KCNK9: variants seen among roughly 807,000 people sequenced by gnomAD.
KCNK9 encodes the protein potassium channel subfamily K member 9.
In KCNK9, 1 loss-of-function variant was observed where a neutral mutation model predicts 10.8. The ratio of observed to expected loss-of-function variants is 0.09; its 90% CI spans 0.03 to 0.44. The LOEUF is 0.44. Ranked by LOEUF, KCNK9 falls within the 20% of genes least tolerant of loss-of-function variation. The probability of loss-of-function intolerance (pLI) is 0.97; values close to 1 mark genes in which losing one functional copy is unlikely to be tolerated. For synonymous variants in KCNK9, 231 were observed against 222.7 expected, an observed-to-expected ratio of 1.04 and a Z score of -0.33; for missense variants, 303 against 515.0, an observed-to-expected ratio of 0.59 and a Z score of 3.98.
chr8:139,641,065 G>A (rs874746), intron 1 of KCNK9, among the ~76,000 whole-genome samples: 10 of 152,082 alleles, frequency 6.6e-5, no homozygotes, highest in African/African-American at 2.4e-4. Context: ...GGGCCTGGCA[G>A]CAAGAAGCGG....
chr8:139,668,862 T>C (rs1428406161), intron 1 of KCNK9, among the ~76,000 whole-genome samples: 1 of 152,226 alleles, frequency 6.6e-6, no homozygotes, highest in Non-Finnish European at 1.5e-5. Context: ...TTCTCTTTAA[T>C]CTGAGGCTCA....
chr8:139,608,205 G>A (rs150694637), downstream of KCNK9, among the ~76,000 whole-genome samples: 38 of 152,322 alleles, frequency 2.5e-4, no homozygotes, highest in African/African-American at 8.4e-4. Flanking sequence ...CACTGAGGGA[G>A]GTGCTGGTGA....
At chr8:139,682,489 G>T (rs974632991) in intron 1 of KCNK9, among the ~76,000 whole-genome samples, 1 of 152,224 alleles carries the variant, frequency 6.6e-6, no homozygotes, top group African/African-American at 2.4e-5. Context: ...GCCTGGGAAG[G>T]CTGCACAGAG....
Position 139,702,639 on chromosome 8 carries a change from C to A in KCNK9, c.283+71G>T. ...CCTCGACGCCCTGCACCCAGCCCGGCGCGGCGCGCTCAGCCGCCTCCCCGG... is the reference window on the plus strand; with the variant it reads ...CCTCGACGCCCTGCACCCAGCCCGGAGCGGCGCGCTCAGCCGCCTCCCCGG... On this transcript the variant is annotated intron_variant, in intron 1 of 1. Coordinates refer to ENST00000520439, the MANE Select transcript of KCNK9 (RefSeq NM_001282534.2). This position sits in a 1 kb window ranked among gnomAD's most constrained non-coding sequence, Gnocchi z 7.5. 3 of 1,487,442 alleles carry A rather than the reference C, an allele frequency of 2.0e-6. No individual in the cohort carries two copies. Among genetic ancestry groups the A allele is most frequent in the East Asian group, 2.4e-5 (1 of 41,170 alleles). 92.1% of individuals were successfully genotyped at this position (1,487,442 alleles called of 1,614,324 possible). A position where few individuals can be genotyped will look rare whatever the true frequency, so the allele number is the denominator to read the frequency against.
Position 139,618,284 on chromosome 8 carries a change from G to C in KCNK9, c.1099C>G (p.Leu367Val), listed in dbSNP as rs780231609. ...GLHSFTDHQR[L>V]MKRRKSV ...TAAACGGACTTCCGGCGTTTCATCAGCCTCTGGTGGTCGGTAAAGCTGTGT... is the reference window on the plus strand; with the variant it reads ...TAAACGGACTTCCGGCGTTTCATCACCCTCTGGTGGTCGGTAAAGCTGTGT... Residue 367 changes from leucine to valine, a missense_variant, in exon 2 of 2, where the codon CTG becomes GTG. Transcript: ENST00000520439. The surrounding 1 kb of genome is among the most constrained non-coding windows in gnomAD (Gnocchi z 7.9). 3.7e-6 allele frequency: 6 copies of C among 1,614,216 alleles called. No homozygotes were observed. Among genetic ancestry groups the C allele is most frequent in the South Asian group, 3.3e-5 (3 of 91,070 alleles).
chr8:139,679,958 G>T (rs1182197767), intron 1 of KCNK9, among the ~76,000 whole-genome samples: 4 of 152,200 alleles, frequency 2.6e-5, no homozygotes, highest in Non-Finnish European at 4.4e-5. Flanking sequence ...GCTCAGGAGG[G>T]ATGGGGCATC....
downstream of KCNK9, among the ~76,000 whole-genome samples, chr8:139,608,692 C>G (rs570453391): frequency 2.2e-4 from 33 of 152,286 alleles, no homozygotes; most frequent in Non-Finnish European, 3.5e-4. Context: ...GTACTGCACG[C>G]CGTACCCAGC....
chr8:139,618,127 A>C lies in KCNK9; in HGVS notation c.*131T>G. 1 of 1,303,436 alleles carries C rather than the reference A, an allele frequency of 7.7e-7. No individual in the cohort carries two copies. The highest frequency in any genetic ancestry group is 1.1e-6 in the Non-Finnish European group (1 of 938,580). 80.7% of individuals were successfully genotyped at this position (1,303,436 alleles called of 1,614,324 possible). ...GGAAAATGAGACCAAGAGACCAAGAAAGGAGGAAGGAGAGAAAGTAATAAT... is the reference window on the plus strand; with the variant it reads ...GGAAAATGAGACCAAGAGACCAAGACAGGAGGAAGGAGAGAAAGTAATAAT... On this transcript the variant is annotated 3_prime_UTR_variant, in exon 2 of 2. Transcript: ENST00000520439. The surrounding 1 kb of genome is among the most constrained non-coding windows in gnomAD (Gnocchi z 7.9).
At chr8:139,677,181 G>C (rs557143103) in intron 1 of KCNK9, among the ~76,000 whole-genome samples, 1 of 152,102 alleles carries the variant, frequency 6.6e-6, no homozygotes, top group African/African-American at 2.4e-5. Context: ...CCAATTAAAG[G>C]TTGATGCTGG....
At chr8:139,639,436 G>C (rs943783282) in intron 1 of KCNK9, among the ~76,000 whole-genome samples, 9 of 152,148 alleles carry the variant, frequency 5.9e-5, no homozygotes, top group African/African-American at 1.4e-4. Flanking sequence ...ACCAACACAG[G>C]GTAGCTCTCT....
downstream of KCNK9, among the ~76,000 whole-genome samples, chr8:139,614,428 A>C (rs1814518910): frequency 6.6e-6 from 1 of 152,190 alleles, no homozygotes; most frequent in Admixed American, 6.5e-5. Flanking sequence ...GCTGCAAATG[A>C]GCTGCTGTGA....
chr8:139,644,719 C>CCG (rs1554622183), intron 1 of KCNK9, among the ~76,000 whole-genome samples: 11 of 150,492 alleles, frequency 7.3e-5, no homozygotes, highest in Admixed American at 6.0e-4. Flanking sequence ...GCCCTGTCCC[C>CCG]CCCCCCCAGA....
chr8:139,608,328 G>A (rs1814301506), downstream of KCNK9, among the ~76,000 whole-genome samples: 1 of 152,158 alleles, frequency 6.6e-6, no homozygotes, highest in Admixed American at 6.5e-5. Flanking sequence ...CCCACCCAGT[G>A]TTTTCGGTGG....
At chr8:139,669,096 C>G (rs968863791) in intron 1 of KCNK9, among the ~76,000 whole-genome samples, 6 of 142,334 alleles carry the variant, frequency 4.2e-5, no homozygotes, top group Admixed American at 7.4e-5. Context: ...ATACATACCT[C>G]AATTAAAAGT....
intron 2 of KCNK9, among the ~76,000 whole-genome samples, chr8:139,604,023 G>A (rs1439113149): frequency 2.6e-5 from 4 of 152,188 alleles, no homozygotes; most frequent in Non-Finnish European, 4.4e-5. Flanking sequence ...GGGTGCTGGG[G>A]ACCTTGGATC....
intron 1 of KCNK9, among the ~76,000 whole-genome samples, chr8:139,641,088 A>AG (rs1171405607): frequency 6.6e-6 from 1 of 152,204 alleles, no homozygotes; most frequent in African/African-American, 2.4e-5. Context: ...TGGCACGAGG[A>AG]GGTGAGGCAG....
At chr8:139,679,529 T>C (rs1428699328) in intron 1 of KCNK9, among the ~76,000 whole-genome samples, 2 of 152,186 alleles carry the variant, frequency 1.3e-5, no homozygotes, top group Admixed American at 1.3e-4. Flanking sequence ...GGTGTGCACA[T>C]CCTTGGATAA....
At chr8:139,674,686 G>A (rs1011391611) in intron 1 of KCNK9, among the ~76,000 whole-genome samples, 4 of 152,140 alleles carry the variant, frequency 2.6e-5, no homozygotes, top group South Asian at 2.1e-4. Flanking sequence ...CCCCTCTTCC[G>A]TGCTGCCTAC....
At chr8:139,628,740 GA>G (rs1815061249) in intron 1 of KCNK9, among the ~76,000 whole-genome samples, 1 of 152,230 alleles carries the variant, frequency 6.6e-6, no homozygotes, top group African/African-American at 2.4e-5. Context: ...CTTAAGGGGG[GA>G]AATGGACTAA....
Sources: gnomAD v4.1 joint callset for allele counts (sites outside exome capture counted in the v4.1 genomes callset) on GRCh38, gnomAD v4.1.1 for gene constraint, Gnocchi (gnomAD v3.1) non-coding constraint, MANE v1.5 for transcripts, NCBI Gene and HGNC (gene_info 2026-07-23, HGNC 2026-07-21) for gene names.